FAT4: variants seen among roughly 807,000 people sequenced by gnomAD.
FAT4 encodes FAT atypical cadherin 4, also known as protocadherin Fat 4.
In FAT4, 84 loss-of-function variants were observed where a neutral mutation model predicts 303.9. The observed-to-expected ratio is 0.28, with a 90% CI of 0.23 to 0.33. The LOEUF is 0.33. Ranked by LOEUF, FAT4 falls within the 10% of genes least tolerant of loss-of-function variation. FAT4 has a pLI of 1.00. For synonymous variants in FAT4, 2,307 were observed against 2,298.8 expected (o/e 1.00, Z -0.10); for missense variants, 6,005 against 6,146.8 (o/e 0.98, Z 0.77).
At chr4:125,487,239 T>C in intron 16 of FAT4, 106 bp from the exon 17 acceptor site, 1 of 935,512 alleles carries the variant, frequency 1.1e-6, no homozygotes, top group Non-Finnish European at 1.6e-6. Context: ...TCTTCAGCTA[T>C]TCTATCTGCT....
chr4:125,327,790 C>G (rs2125953778), intron 2 of FAT4, among the ~76,000 whole-genome samples: 1 of 152,192 alleles, frequency 6.6e-6, no homozygotes, highest in East Asian at 1.9e-4. Flanking sequence ...GGAATCTGCT[C>G]TAGGAATAGT....
chr4:125,449,608 C>A lies in FAT4; in HGVS notation c.8598C>A (p.Asp2866Glu), dbSNP rs1725970139. The A allele has an allele frequency of 6.2e-7, 1 of 1,613,826 alleles. No homozygotes were observed. Among genetic ancestry groups the A allele is most frequent in the Non-Finnish European group, 8.5e-7 (1 of 1,179,882 alleles). Residue 2866 changes from aspartate to glutamate, a missense_variant, in exon 10 of 18, where the codon GAC becomes GAA. By Grantham distance (45) the Asp-to-Glu change is conservative (BLOSUM62 2). Coordinates refer to ENST00000394329, the MANE Select transcript of FAT4 (RefSeq NM_001291303.3). ...VSTDVTIFVT[D>E]INDNAPRFSR... is the part of the protein sequence containing the mutation. ...CAGATGTCACAATATTTGTGACAGA[C>A]ATCAATGACAATGCTCCAAGATTTA...
At chr4:125,460,769 A>T (rs983762552) in intron 10 of FAT4, among the ~76,000 whole-genome samples, 2 of 152,126 alleles carry the variant, frequency 1.3e-5, no homozygotes, top group Admixed American at 6.6e-5. Context: ...TCTGTATGGT[A>T]AAATGATTTA....
At chr4:125,324,144 C>T (rs1731061515) in intron 2 of FAT4, among the ~76,000 whole-genome samples, 1 of 152,020 alleles carries the variant, frequency 6.6e-6, no homozygotes, top group Non-Finnish European at 1.5e-5. Flanking sequence ...GATTAATTAC[C>T]TTTTTATTTT....
chr4:125,324,925 A>C (rs1731094243), intron 2 of FAT4, among the ~76,000 whole-genome samples: 1 of 152,206 alleles, frequency 6.6e-6, no homozygotes, highest in Non-Finnish European at 1.5e-5. Context: ...TTTCTAACTA[A>C]AAATTAAAGA....
At chr4:125,430,466 A>G (rs1468415113) in intron 7 of FAT4, among the ~76,000 whole-genome samples, 3 of 152,166 alleles carry the variant, frequency 2.0e-5, no homozygotes, top group Non-Finnish European at 4.4e-5. Flanking sequence ...ATAATAGTCA[A>G]ACACATTGGA....
chr4:125,456,696 T>C (rs1054846755), intron 10 of FAT4, among the ~76,000 whole-genome samples: 1 of 152,218 alleles, frequency 6.6e-6, no homozygotes, highest in South Asian at 2.1e-4. Context: ...TTCTGAGTTA[T>C]TCTTTTTACC....
intron 3 of FAT4, 115 bp downstream of exon 3, chr4:125,399,030 C>T: frequency 2.3e-6 from 2 of 866,992 alleles, no homozygotes; most frequent in South Asian, 1.9e-5. Context: ...CATGTGTGCT[C>T]CTTTCCAAAG....
At position 125,387,031 on chromosome 4, in the gene FAT4, C is replaced by A. The variant is rs1733778412; in HGVS notation, c.5176-11753C>A. On this transcript the variant is annotated intron_variant, in intron 2 of 17. Transcript: ENST00000394329. The stretch of plus-strand genomic sequence containing the variant: ...ATGCACCATTCACAATAGGGTCCAC[C>A]CTTCTTTGAGAATCTAATGCCGCAG... Among the ~76,000 whole-genome samples the A allele has an allele frequency of 2.0e-5, 3 of 152,222 alleles. 1 individual carries two copies. The highest frequency in any genetic ancestry group is 4.2e-4 in the South Asian group (2 of 4,814).
At chr4:125,431,064 A>G (rs1725267551) in intron 7 of FAT4, among the ~76,000 whole-genome samples, 1 of 152,182 alleles carries the variant, frequency 6.6e-6, no homozygotes, top group Non-Finnish European at 1.5e-5. Context: ...TAATGTATCT[A>G]CAGTAATATA....
intron 2 of FAT4, among the ~76,000 whole-genome samples, chr4:125,338,317 A>G (rs778603064): frequency 1.3e-5 from 2 of 152,186 alleles, no homozygotes; most frequent in Non-Finnish European, 2.9e-5. Flanking sequence ...CATTTAGACA[A>G]TAACTAAGGA....
chr4:125,395,282 A>G (rs1453153142), intron 2 of FAT4, among the ~76,000 whole-genome samples: 1 of 152,150 alleles, frequency 6.6e-6, no homozygotes. Context: ...TAGATTTTCA[A>G]GAAATGGAAT....
At chr4:125,323,933 C>T (rs1007912840) in intron 2 of FAT4, among the ~76,000 whole-genome samples, 1 of 152,112 alleles carries the variant, frequency 6.6e-6, no homozygotes, top group South Asian at 2.1e-4. Flanking sequence ...AGAGAGTCAG[C>T]GGGTAAAAGA....
intron 2 of FAT4, among the ~76,000 whole-genome samples, chr4:125,349,913 T>C (rs1010103500): frequency 4.0e-5 from 6 of 151,712 alleles, no homozygotes; most frequent in African/African-American, 1.4e-4. Context: ...ATGCGCAATC[T>C]TGACACATAT....
chr4:125,322,966 A>G (rs1275649787), intron 2 of FAT4, among the ~76,000 whole-genome samples: 2 of 152,180 alleles, frequency 1.3e-5, no homozygotes, highest in East Asian at 3.9e-4. Flanking sequence ...ATGTTGAGCT[A>G]TTTGGTGTAG....
chr4:125,321,631 G>A, intron 2 of FAT4, 45 bp downstream of exon 2: 1 of 1,511,790 alleles, frequency 6.6e-7, no homozygotes, highest in Admixed American at 2.2e-5. Context: ...TTGCTTTTTA[G>A]AAAAATCATT....
chr4:125,341,343 T>A (rs910039619), intron 2 of FAT4, among the ~76,000 whole-genome samples: 7 of 152,056 alleles, frequency 4.6e-5, no homozygotes, highest in Admixed American at 2.6e-4. Flanking sequence ...GAGGCAGTGG[T>A]TATATGGGAA....
intron 2 of FAT4, among the ~76,000 whole-genome samples, chr4:125,365,670 A>G (rs1413571344): frequency 6.6e-6 from 1 of 152,182 alleles, no homozygotes; most frequent in Non-Finnish European, 1.5e-5. Flanking sequence ...TAGCTGTAGG[A>G]AAAGAGGAAA....
At chr4:125,385,048 T>C (rs1338518266) in intron 2 of FAT4, among the ~76,000 whole-genome samples, 1 of 139,596 alleles carries the variant, frequency 7.2e-6, no homozygotes, top group Non-Finnish European at 1.5e-5. Context: ...TGAGATGGAG[T>C]GTTGCTCTTG....
Sources: gnomAD v4.1 joint callset for allele counts (sites outside exome capture counted in the v4.1 genomes callset) on GRCh38, gnomAD v4.1.1 for gene constraint, MANE v1.5 for transcripts, NCBI Gene and HGNC (gene_info 2026-07-23, HGNC 2026-07-21) for gene names.